ST18: variants seen among roughly 807,000 people sequenced by gnomAD.
The protein encoded by ST18 is ST18 C2H2C-type zinc finger transcription factor, also known as suppression of tumorigenicity 18 protein.
In ST18, 50 loss-of-function variants were observed where a neutral mutation model predicts 110.0. The ratio of observed to expected loss-of-function variants is 0.45; its 90% CI spans 0.36 to 0.58. The LOEUF (loss-of-function observed/expected upper bound fraction) is 0.58, where lower values mean the gene tolerates loss of function less well. Among genes scored for constraint, ST18 ranks in the 20% least tolerant of loss-of-function variants. The pLI, the probability that ST18 is intolerant of heterozygous loss-of-function variation, is 0.00. For synonymous variants in ST18, 461 were observed against 452.4 expected (o/e 1.02, Z -0.24); for missense variants, 1,306 against 1,280.1 (o/e 1.02, Z -0.31).
chr8:52,202,478 A>C (rs2078345769), intron 8 of ST18, among the ~76,000 whole-genome samples: 1 of 152,220 alleles, frequency 6.6e-6, no homozygotes, highest in Non-Finnish European at 1.5e-5. Flanking sequence ...TGTAAAGCCG[A>C]AGGCAGAGAA....
intron 2 of ST18, 90 bp from the exon 3 acceptor site, chr8:52,230,167 A>G (rs1014293321): frequency 6.6e-6 from 1 of 152,258 alleles, no homozygotes; most frequent in African/African-American, 2.4e-5. Context: ...TATTAACTAT[A>G]TAAAACCATC....
chr8:52,327,274 T>C (rs1050993811), intron 2 of ST18, among the ~76,000 whole-genome samples: 1 of 152,238 alleles, frequency 6.6e-6, no homozygotes, highest in African/African-American at 2.4e-5. Flanking sequence ...AGAAGTGAAG[T>C]TAGATGCAGT....
chr8:52,127,290 C>T (rs1217608164), intron 22 of ST18, among the ~76,000 whole-genome samples: 1 of 151,812 alleles, frequency 6.6e-6, no homozygotes, highest in African/African-American at 2.4e-5. Context: ...ATGCAGTTTG[C>T]CTAATTTGAT....
At chr8:52,201,928 T>C (rs1240841306) in intron 8 of ST18, among the ~76,000 whole-genome samples, 2 of 152,206 alleles carry the variant, frequency 1.3e-5, no homozygotes, top group Non-Finnish European at 2.9e-5. Context: ...TCTGATACTT[T>C]GATAAAATAT....
intron 15 of ST18, among the ~76,000 whole-genome samples, chr8:52,157,350 C>T (rs939941388): frequency 6.6e-5 from 10 of 152,148 alleles, no homozygotes; most frequent in Admixed American, 4.6e-4. Flanking sequence ...GAACCACTTA[C>T]CGTAGTCATT....
At chr8:52,333,884 T>C (rs1164911235) in intron 2 of ST18, among the ~76,000 whole-genome samples, 1 of 152,088 alleles carries the variant, frequency 6.6e-6, no homozygotes, top group Non-Finnish European at 1.5e-5. Context: ...TCAGAAGAAA[T>C]AGACAAGTTT....
intron 15 of ST18, among the ~76,000 whole-genome samples, chr8:52,155,901 C>G (rs2059898572): frequency 6.6e-6 from 1 of 152,020 alleles, no homozygotes; most frequent in Non-Finnish European, 1.5e-5. Flanking sequence ...GGCTTGATGT[C>G]AAAAAGATTG....
At chr8:52,303,419 CCTTAT>C (rs1201107244) in intron 2 of ST18, among the ~76,000 whole-genome samples, 1 of 152,224 alleles carries the variant, frequency 6.6e-6, no homozygotes, top group East Asian at 1.9e-4. Flanking sequence ...TCCAGCATGA[CCTTAT>C]CTTAACTGGA....
intron 2 of ST18, among the ~76,000 whole-genome samples, chr8:52,238,461 C>T (rs935347631): frequency 6.6e-6 from 1 of 152,144 alleles, no homozygotes; most frequent in African/African-American, 2.4e-5. Flanking sequence ...AACAGAACTA[C>T]CATTCAATCC....
chr8:52,161,283 A>T lies in ST18; in HGVS notation c.1594+92T>A, dbSNP rs565223785. On this transcript the variant is annotated intron_variant, in intron 14 of 25. Transcript: ENST00000689386. Reference sequence around the variant, plus strand: ...CTGCCAGCTGTATGTAGTATATCATATATTTAAGTACAGCCCCCTGGCCCC... The same window carrying T: ...CTGCCAGCTGTATGTAGTATATCATTTATTTAAGTACAGCCCCCTGGCCCC... 3 of 1,314,262 alleles carry T rather than the reference A, an allele frequency of 2.3e-6. No individual in the cohort carries two copies. In the South Asian group the frequency reaches 4.4e-5, roughly 19 times the overall value. 81.4% of individuals were successfully genotyped at this position (1,314,262 alleles called of 1,614,324 possible).
At chr8:52,394,543 C>T (rs796913214) in intron 2 of ST18, among the ~76,000 whole-genome samples, 3 of 152,144 alleles carry the variant, frequency 2.0e-5, no homozygotes, top group African/African-American at 7.2e-5. Context: ...TTCCTGAATA[C>T]CAGCTCAAGA....
At chr8:52,315,574 A>C (rs1161842168) in intron 2 of ST18, among the ~76,000 whole-genome samples, 3 of 152,114 alleles carry the variant, frequency 2.0e-5, no homozygotes, top group Non-Finnish European at 4.4e-5. Context: ...CTATTATTGT[A>C]TTTTCAGCCA....
intron 2 of ST18, among the ~76,000 whole-genome samples, chr8:52,339,163 C>T (rs537410238): frequency 6.6e-6 from 1 of 152,260 alleles, no homozygotes; most frequent in African/African-American, 2.4e-5. Context: ...AGGGTTCACT[C>T]CTGTAGCTGT....
chr8:52,316,170 T>C (rs1383446400), intron 2 of ST18, among the ~76,000 whole-genome samples: 1 of 152,232 alleles, frequency 6.6e-6, no homozygotes, highest in Non-Finnish European at 1.5e-5. Context: ...AGTGTGAATA[T>C]ACCAATGTTT....
At chr8:52,312,837 G>A (rs1395197001) in intron 2 of ST18, among the ~76,000 whole-genome samples, 1 of 152,130 alleles carries the variant, frequency 6.6e-6, no homozygotes, top group Non-Finnish European at 1.5e-5. Flanking sequence ...TGTTGGAGGG[G>A]TCAGTGATGA....
intron 12 of ST18, among the ~76,000 whole-genome samples, chr8:52,164,332 G>A (rs1241473157): frequency 6.6e-6 from 1 of 152,194 alleles, no homozygotes; most frequent in Non-Finnish European, 1.5e-5. Flanking sequence ...AAAACATTAT[G>A]TAAGGGATAA....
intron 15 of ST18, among the ~76,000 whole-genome samples, chr8:52,155,201 CAA>C (rs3030253): frequency 5.3e-4 from 70 of 133,272 alleles, no homozygotes; most frequent in Middle Eastern, 4.3e-3. Context: ...GACTCTGTCT[CAA>C]AAAAAAAAAA....
chr8:52,210,386 T>G (rs1166778121), intron 8 of ST18, among the ~76,000 whole-genome samples: 1 of 152,186 alleles, frequency 6.6e-6, no homozygotes, highest in Non-Finnish European at 1.5e-5. Flanking sequence ...TTAAGCCAGG[T>G]GCAGTGGCTC....
chr8:52,267,483 TAAA>T (rs57769643), intron 2 of ST18, among the ~76,000 whole-genome samples: 7,670 of 114,980 alleles, frequency 0.067, 710 homozygotes, highest in African/African-American at 0.23. Flanking sequence ...AGAGATAAGC[TAAA>T]AAAAAAAAAA....
Sources: gnomAD v4.1 joint callset for allele counts (sites outside exome capture counted in the v4.1 genomes callset) on GRCh38, gnomAD v4.1.1 for gene constraint, MANE v1.5 for transcripts, NCBI Gene and HGNC (gene_info 2026-07-23, HGNC 2026-07-21) for gene names.